NOTCH2: variants seen among roughly 807,000 people sequenced by gnomAD.
NOTCH2 encodes the protein neurogenic locus notch homolog protein 2.
A neutral mutation model predicts 235.8 loss-of-function variants in NOTCH2; 29 were observed. The ratio of observed to expected loss-of-function variants is 0.12; its 90% CI spans 0.09 to 0.17. NOTCH2 has a LOEUF of 0.17. Among genes scored for constraint, NOTCH2 ranks in the 10% least tolerant of loss-of-function variants. The pLI is 1.00. For missense variants in NOTCH2, 2,285 were observed against 3,150.2 expected (o/e 0.73, Z 6.57); for synonymous variants, 1,086 against 1,141.5 (o/e 0.95, Z 0.98).
At chr1:119,985,532 A>G (rs1224929937) in intron 5 of NOTCH2, among the ~76,000 whole-genome samples, 1 of 152,192 alleles carries the variant, frequency 6.6e-6, no homozygotes, top group African/African-American at 2.4e-5. Flanking sequence ...AACCAGCAAC[A>G]ATATTACAAT....
In NOTCH2 at chr1:119,925,177, A is replaced by C. The variant is rs1286477654; in HGVS notation, c.4511+128T>G. The C allele has an allele frequency of 5.1e-6, 6 of 1,174,816 alleles. 1 individual carries two copies. In the South Asian group the frequency reaches 7.4e-5, roughly 14 times the overall value. 72.8% of individuals were successfully genotyped at this position (1,174,816 alleles called of 1,614,324 possible). Reference sequence around the variant, plus strand: ...AGCACAGGGCAGTGTGCGATGGGACAAGGCTGGCACCATCTGAAAAGCAGA... The same window carrying C: ...AGCACAGGGCAGTGTGCGATGGGACCAGGCTGGCACCATCTGAAAAGCAGA... On this transcript the variant is annotated intron_variant, in intron 25 of 33. Transcript: ENST00000256646.
chr1:119,976,714 G>C (rs946052012), intron 5 of NOTCH2, among the ~76,000 whole-genome samples: 2 of 152,046 alleles, frequency 1.3e-5, no homozygotes, highest in Admixed American at 6.6e-5. Context: ...ACACCTACCA[G>C]TGTTTTCTGC....
At chr1:120,069,286 G>C in intron 1 of NOTCH2, 48 bp downstream of exon 1, 1 of 1,531,200 alleles carries the variant, frequency 6.5e-7, no homozygotes, top group Non-Finnish European at 8.7e-7. Flanking sequence ...GTCGCCCCAG[G>C]TGGCAGCCCC....
intron 22 of NOTCH2, among the ~76,000 whole-genome samples, chr1:119,933,807 G>T (rs951071998): frequency 1.3e-5 from 2 of 152,170 alleles, no homozygotes; most frequent in Non-Finnish European, 2.9e-5. Context: ...AGAGTTTGAT[G>T]AATACTCATG....
In NOTCH2 at chr1:119,920,421, C is replaced by T. The variant is rs41306195; in HGVS notation, c.5311-24G>A. The T allele has an allele frequency of 0.058, 94,005 of 1,613,584 alleles. 3,244 individuals are homozygous for T. The highest frequency in any genetic ancestry group is 0.069 in the Non-Finnish European group (81,608 of 1,179,646). Reference sequence around the variant, plus strand: ...GCCTGAAAGGTGAAAACAATGCTCCCTATCAATCTGGCCACCACCAGAAAC... The same window carrying T: ...GCCTGAAAGGTGAAAACAATGCTCCTTATCAATCTGGCCACCACCAGAAAC... On this transcript the variant is annotated intron_variant, in intron 29 of 33. Coordinates refer to ENST00000256646, the MANE Select transcript of NOTCH2 (RefSeq NM_024408.4).
At chr1:119,950,293 T>C (rs1223379348) in intron 15 of NOTCH2, 2 of 359,812 alleles carry the variant, frequency 5.6e-6, no homozygotes, top group African/African-American at 4.3e-5. Flanking sequence ...CAATAGGAAC[T>C]TCTACATTGT....
chr1:120,029,184 GA>G (rs1416374252), intron 2 of NOTCH2, among the ~76,000 whole-genome samples: 1 of 147,504 alleles, frequency 6.8e-6, no homozygotes, highest in Non-Finnish European at 1.5e-5. Context: ...TTTTACACTA[GA>G]AAAAAATATG....
rs1177150083 is a variant in NOTCH2 at position 119,948,283 on chromosome 1, T to C, written c.2752+131A>G. On this transcript the variant is annotated intron_variant, in intron 17 of 33. Coordinates refer to ENST00000256646, the MANE Select transcript of NOTCH2 (RefSeq NM_024408.4). ...AAAGAAAGAGTTAAAACACTACTGT[T>C]AAATATGCTGGATAAATGACCGGTA... 4 of 942,058 alleles carry C rather than the reference T, an allele frequency of 4.2e-6. No individual in the cohort carries two copies. In the East Asian group the frequency reaches 9.7e-5, roughly 23 times the overall value. The allele number at this position is 942,058 out of a possible 1,614,324, so 58.4% of individuals were successfully genotyped here.
Position 119,969,536 on chromosome 1 carries a change from A to T in NOTCH2, c.1083T>A (p.Ser361=), listed in dbSNP as rs782198443. The change falls in exon 6 of 34, where the codon TCT becomes TCA. Residue 361 remains serine (S), a synonymous_variant. Transcript: ENST00000256646. ...CTGCCTTCCCCTCTGGGCACATGCAAGAGAAGGAGGCCACACGGTCGATGC... is the reference window on the plus strand; with the variant it reads ...CTGCCTTCCCCTCTGGGCACATGCATGAGAAGGAGGCCACACGGTCGATGC... ...STCIDRVASF[S]CMCPEGKAGL... The T allele has an allele frequency of 1.9e-6, 3 of 1,613,900 alleles. No homozygotes were observed. In the South Asian group the frequency reaches 3.3e-5, roughly 18 times the overall value.
rs587633342 is a variant in NOTCH2, at chr1:120,053,726, G to A, written c.73+15608C>T. Among the ~76,000 whole-genome samples the A allele has an allele frequency of 4.2e-3, 572 of 136,150 alleles. 39 individuals are homozygous for A. Among genetic ancestry groups the A allele is most frequent in the Non-Finnish European group, 6.6e-3 (428 of 65,212 alleles). 89.3% of individuals were successfully genotyped at this position (136,150 alleles called of 152,430 possible). A position where few individuals can be genotyped will look rare whatever the true frequency, so the allele number is the denominator to read the frequency against. On this transcript the variant is annotated intron_variant, in intron 1 of 33. Coordinates refer to ENST00000256646, the MANE Select transcript of NOTCH2 (RefSeq NM_024408.4). The stretch of plus-strand genomic sequence containing the variant: ...TTAAAAGAAACTGAAACAAGGTCTA[G>A]AGACAAATGTTCCCAGGCTATATAT...
intron 7 of NOTCH2, 78 bp from the exon 8 acceptor site, chr1:119,967,699 TG>T: frequency 1.5e-5 from 19 of 1,266,352 alleles, no homozygotes; most frequent in Non-Finnish European, 2.2e-5. Context: ...GAGCATCTGA[TG>T]GTTATAGCAT....
At chr1:119,939,967 T>C (rs1420232648) in intron 19 of NOTCH2, among the ~76,000 whole-genome samples, 1 of 152,192 alleles carries the variant, frequency 6.6e-6, no homozygotes. Flanking sequence ...CACAGGGCTG[T>C]TTGGTATGCA....
At chr1:119,920,521 AC>A (rs1649247257) in intron 29 of NOTCH2, 124 bp from the exon 30 acceptor site, 2 of 1,060,790 alleles carry the variant, frequency 1.9e-6, no homozygotes, top group African/African-American at 3.1e-5. Context: ...CTACTCCTCC[AC>A]CCCTCCAGAG....
chr1:119,950,486 A>C (rs1308900209), intron 15 of NOTCH2: 1 of 654,112 alleles, frequency 1.5e-6, no homozygotes, highest in African/African-American at 1.8e-5. Flanking sequence ...ATTAAAAAAA[A>C]ATTTCTTTCA....
chr1:119,960,722 G>A (rs782080678), intron 11 of NOTCH2, among the ~76,000 whole-genome samples: 23 of 151,848 alleles, frequency 1.5e-4, no homozygotes, highest in Non-Finnish European at 3.1e-4. Flanking sequence ...CACCCAGACT[G>A]GAGAGCAATG....
intron 5 of NOTCH2, among the ~76,000 whole-genome samples, chr1:119,977,953 A>G (rs1651655752): frequency 6.6e-6 from 1 of 152,228 alleles, no homozygotes; most frequent in Admixed American, 6.5e-5. Flanking sequence ...CAAAACAGCC[A>G]TGGCTTCTGC....
At chr1:119,985,474 C>T (rs1651980901) in intron 5 of NOTCH2, among the ~76,000 whole-genome samples, 1 of 152,080 alleles carries the variant, frequency 6.6e-6, no homozygotes, top group South Asian at 2.1e-4. Context: ...AAGAGCAGGC[C>T]TTCCTAATTA....
intron 31 of NOTCH2, among the ~76,000 whole-genome samples, chr1:119,919,024 A>G (rs1649181689): frequency 3.3e-5 from 5 of 152,190 alleles, no homozygotes; most frequent in Admixed American, 3.3e-4. Flanking sequence ...TATCACTCTC[A>G]TCTAATCTAC....
chr1:119,916,820 T>A, intron 33 of NOTCH2, 126 bp from the exon 34 acceptor site: 1 of 915,908 alleles, frequency 1.1e-6, no homozygotes, highest in Non-Finnish European at 1.7e-6. Context: ...GATGAAATAT[T>A]AACACCACAG....
Sources: gnomAD v4.1 joint callset for allele counts (sites outside exome capture counted in the v4.1 genomes callset) on GRCh38, gnomAD v4.1.1 for gene constraint, MANE v1.5 for transcripts, NCBI Gene and HGNC (gene_info 2026-07-23, HGNC 2026-07-21) for gene names.